PTPRG: variants seen among roughly 807,000 people sequenced by gnomAD.
PTPRG encodes the protein protein tyrosine phosphatase receptor type G.
PTPRG carries 102 observed loss-of-function variants against 165.3 expected under a neutral mutation model. That is an observed-to-expected ratio of 0.62 (90% confidence interval 0.53 to 0.73). PTPRG has a LOEUF of 0.73. Ranked by LOEUF, PTPRG falls within the 30% of genes least tolerant of loss-of-function variation. PTPRG has a pLI of 0.00. For missense variants in PTPRG, 1,866 were observed against 1,861.4 expected (o/e 1.00, Z -0.05); for synonymous variants, 675 against 669.5 (o/e 1.01, Z -0.13).
intron 13 of PTPRG, among the ~76,000 whole-genome samples, chr3:62,230,270 T>C (rs1002498599): frequency 4.6e-5 from 7 of 152,196 alleles, no homozygotes; most frequent in South Asian, 2.1e-4. Context: ...ACTCCAGAAT[T>C]AGAGGATGTT....
Position 62,269,120 on chromosome 3 carries a change from C to G in PTPRG, c.2960C>G (p.Ala987Gly). 1 of 1,602,746 alleles carries G rather than the reference C, an allele frequency of 6.2e-7. No homozygotes were observed. Among genetic ancestry groups the G allele is most frequent in the Non-Finnish European group, 8.5e-7 (1 of 1,171,790 alleles). Residue 987 changes from alanine to glycine, a missense_variant, in exon 20 of 30, where the codon GCC (alanine) becomes GGC (glycine). By Grantham distance (60) the Ala-to-Gly change is moderately conservative. This residue lies in a region of PTPRG where 1,452 missense variants were observed against 1,463.0 expected (regional missense o/e 0.99). Transcript: ENST00000474889. ...ACGCTGAAGAGCACAAAAATACATG[C>G]CTGCTACACTGTTCGTCGTTTTTCA... ...IVTLKSTKIH[A>G]CYTVRRFSIR...
intron 1 of PTPRG, among the ~76,000 whole-genome samples, chr3:61,569,741 G>C (rs1700011821): frequency 6.6e-6 from 1 of 152,198 alleles, no homozygotes; most frequent in African/African-American, 2.4e-5. Flanking sequence ...TACGTGATGG[G>C]TTTTTGTATC....
intron 2 of PTPRG, among the ~76,000 whole-genome samples, chr3:61,956,275 GTCTC>G (rs199816889): frequency 0.078 from 9,512 of 122,300 alleles, 373 homozygotes; most frequent in Admixed American, 0.12. Context: ...CGTGCACGCT[GTCTC>G]TCTCTCTCTC....
intron 8 of PTPRG, among the ~76,000 whole-genome samples, chr3:62,176,091 A>T (rs7649564): frequency 0.099 from 15,068 of 152,206 alleles, 2,200 homozygotes; most frequent in African/African-American, 0.32. Context: ...TCTGGCTGTT[A>T]TGTGGCGAAT....
intron 4 of PTPRG, among the ~76,000 whole-genome samples, chr3:62,070,313 A>C (rs1559779287): frequency 6.6e-6 from 1 of 152,192 alleles, no homozygotes; most frequent in Non-Finnish European, 1.5e-5. Flanking sequence ...TTACTCCAGC[A>C]GTTTAAATTC....
chr3:61,969,929 T>C (rs1485354647), intron 2 of PTPRG, among the ~76,000 whole-genome samples: 1 of 152,210 alleles, frequency 6.6e-6, no homozygotes, highest in Non-Finnish European at 1.5e-5. Context: ...CAACTTAATA[T>C]GAAACCAGTG....
At chr3:61,755,151 G>A (rs2033591276) in intron 2 of PTPRG, among the ~76,000 whole-genome samples, 1 of 152,138 alleles carries the variant, frequency 6.6e-6, no homozygotes, top group Admixed American at 6.5e-5. Flanking sequence ...GGGATTACAG[G>A]CATGTGCCAC....
intron 2 of PTPRG, among the ~76,000 whole-genome samples, chr3:61,787,790 C>T (rs534998730): frequency 2.6e-5 from 4 of 152,242 alleles, no homozygotes; most frequent in South Asian, 2.1e-4. Flanking sequence ...AAACAGTTTC[C>T]GTTTATTACG....
chr3:62,148,796 A>G lies in PTPRG; in HGVS notation c.683-8271A>G, dbSNP rs538810108. Among the ~76,000 whole-genome samples the G allele has an allele frequency of 3.3e-5, 5 of 151,194 alleles. No homozygotes were observed. The East Asian group carries it at 7.7e-4, about 23-fold the overall frequency. ...AATAAATAAATAAATAAATAGCTAA[A>G]ATAGTTGCCTAGTCTTCAGTGAGAT... On this transcript the variant is annotated intron_variant, in intron 6 of 29. Transcript: ENST00000474889.
chr3:61,700,415 A>C (rs1020060802), intron 1 of PTPRG, among the ~76,000 whole-genome samples: 1 of 152,204 alleles, frequency 6.6e-6, no homozygotes, highest in African/African-American at 2.4e-5. Flanking sequence ...ATGAATATTA[A>C]AGTAATTCAG....
chr3:61,934,102 C>A (rs2039428425), intron 2 of PTPRG, among the ~76,000 whole-genome samples: 1 of 152,184 alleles, frequency 6.6e-6, no homozygotes, highest in African/African-American at 2.4e-5. Context: ...GGTGTTTAGA[C>A]TTTCAGTGGT....
chr3:62,150,877 G>A (rs1231004888), intron 6 of PTPRG, among the ~76,000 whole-genome samples: 1 of 152,176 alleles, frequency 6.6e-6, no homozygotes, highest in Non-Finnish European at 1.5e-5. Flanking sequence ...GGGTGTGGGA[G>A]TGGGTGTTCA....
In PTPRG at chr3:62,253,254, C is replaced by T. The variant is rs939284236; in HGVS notation, c.2468-1870C>T. Reference sequence around the variant, plus strand: ...GAACTAGAGTCCATGTTCCTAATCACGGCACTGTAAGTTCTCGGGAATCTA... The same window carrying T: ...GAACTAGAGTCCATGTTCCTAATCATGGCACTGTAAGTTCTCGGGAATCTA... On this transcript the variant is annotated intron_variant, in intron 15 of 29. Transcript: ENST00000474889. 6.6e-5 allele frequency among the ~76,000 whole-genome samples: 10 copies of T among 152,088 alleles called. 1 individual carries two copies. Among genetic ancestry groups the T allele is most frequent in the Middle Eastern group, 3.2e-3 (1 of 316 alleles).
chr3:62,090,494 C>T (rs188528192), intron 5 of PTPRG, among the ~76,000 whole-genome samples: 72 of 152,242 alleles, frequency 4.7e-4, no homozygotes, highest in Middle Eastern at 3.4e-3. Flanking sequence ...TCCCCCGCTG[C>T]CCTTTTTAAT....
chr3:61,881,927 CTCTTTCAGT>C (rs1184008553), intron 2 of PTPRG, among the ~76,000 whole-genome samples: 2 of 152,186 alleles, frequency 1.3e-5, no homozygotes, highest in Non-Finnish European at 2.9e-5. Context: ...TCCTGCCCAA[CTCTTTCAGT>C]TCCAGTCATC....
intron 2 of PTPRG, among the ~76,000 whole-genome samples, chr3:61,887,621 G>A (rs2038088337): frequency 1.3e-5 from 2 of 151,774 alleles, no homozygotes; most frequent in Admixed American, 1.3e-4. Context: ...TGGTAGTTTT[G>A]GACAGTAATC....
intron 2 of PTPRG, among the ~76,000 whole-genome samples, chr3:61,802,307 C>T (rs1420937054): frequency 1.3e-5 from 2 of 151,988 alleles, no homozygotes; most frequent in African/African-American, 4.8e-5. Flanking sequence ...ACCACTGAGA[C>T]GAGAACCAGC....
intron 1 of PTPRG, among the ~76,000 whole-genome samples, chr3:61,715,096 A>C (rs1357051546): frequency 6.6e-6 from 1 of 152,070 alleles, no homozygotes; most frequent in African/African-American, 2.4e-5. Flanking sequence ...GTGCTAGAGG[A>C]CAGCATACTT....
chr3:61,991,122 G>A (rs1047934607), intron 3 of PTPRG, among the ~76,000 whole-genome samples: 7 of 152,152 alleles, frequency 4.6e-5, no homozygotes, highest in African/African-American at 1.7e-4. Flanking sequence ...CTGTGTTATA[G>A]CAGGTGACCC....
Sources: gnomAD v4.1 joint callset for allele counts (sites outside exome capture counted in the v4.1 genomes callset) on GRCh38, gnomAD v4.1.1 for gene constraint, gnomAD v4.1.1 regional missense constraint, MANE v1.5 for transcripts, NCBI Gene and HGNC (gene_info 2026-07-23, HGNC 2026-07-21) for gene names.